Variants in HERC4 observed in about 807,000 individuals in gnomAD.
The protein encoded by HERC4 is probable E3 ubiquitin-protein ligase HERC4.
In HERC4, 28 loss-of-function variants were observed where a neutral mutation model predicts 124.3. The observed-to-expected ratio is 0.23, with a 90% CI of 0.17 to 0.31. The LOEUF is 0.31. HERC4 is among the 10% of genes least tolerant of loss of function. The pLI is 1.00. For missense variants in HERC4, 713 were observed against 1,229.3 expected (o/e 0.58, Z 6.28); for synonymous variants, 407 against 421.5 (o/e 0.97, Z 0.42).
At chr10:68,035,415 C>T (rs1262848780) in intron 5 of HERC4, among the ~76,000 whole-genome samples, 2 of 152,144 alleles carry the variant, frequency 1.3e-5, no homozygotes, top group Non-Finnish European at 2.9e-5. Context: ...CTCGGCCTCC[C>T]AAAGTGCTAA....
intron 22 of HERC4, among the ~76,000 whole-genome samples, chr10:67,935,408 G>C (rs1254537275): frequency 6.6e-6 from 1 of 152,156 alleles, no homozygotes; most frequent in Non-Finnish European, 1.5e-5. Context: ...GCCTCCCAGA[G>C]TGCTGGGATT....
chr10:68,072,849 A>G, intron 3 of HERC4, 34 bp downstream of exon 3: 2 of 1,431,262 alleles, frequency 1.4e-6, no homozygotes, highest in South Asian at 2.6e-5. Flanking sequence ...TATAATTATT[A>G]AAAATAGCAA....
chr10:67,927,418 ATATATATATATATTTTT>A, intron 23 of HERC4, among the ~76,000 whole-genome samples: 1 of 8,730 alleles, frequency 1.1e-4, no homozygotes, highest in African/African-American at 4.4e-4. Context: ...ATATATATAT[ATATATATATATATTTTT>A]TTTTTTTTTT....
At chr10:67,981,913 C>T (rs1035060503) in intron 15 of HERC4, among the ~76,000 whole-genome samples, 2 of 152,060 alleles carry the variant, frequency 1.3e-5, no homozygotes, top group Admixed American at 6.6e-5. Flanking sequence ...TGTACTTACT[C>T]CAGCCTAGAC....
intron 16 of HERC4, among the ~76,000 whole-genome samples, chr10:67,964,139 G>T (rs2034708212): frequency 7.7e-6 from 1 of 129,084 alleles, no homozygotes; most frequent in African/African-American, 2.8e-5. Context: ...CTTCGTCAAA[G>T]TATTGCCAAT....
intron 3 of HERC4, among the ~76,000 whole-genome samples, chr10:68,047,644 C>A (rs1286923298): frequency 6.6e-6 from 1 of 152,186 alleles, no homozygotes; most frequent in Non-Finnish European, 1.5e-5. Context: ...ATATGTTCAA[C>A]TTATGTCCCA....
At chr10:67,975,739 C>A (rs538438441) in intron 15 of HERC4, among the ~76,000 whole-genome samples, 1 of 152,194 alleles carries the variant, frequency 6.6e-6, no homozygotes, top group Non-Finnish European at 1.5e-5. Context: ...TTAAAAAGCA[C>A]ACATTTAATA....
intron 3 of HERC4, among the ~76,000 whole-genome samples, chr10:68,052,501 A>G (rs1292344314): frequency 2.0e-5 from 3 of 152,176 alleles, no homozygotes; most frequent in African/African-American, 7.2e-5. Flanking sequence ...TTGCTTACGA[A>G]CTACATCAAG....
In HERC4 at chr10:67,922,206, T is replaced by A. The variant is rs984929271; in HGVS notation, c.*725A>T. On this transcript the variant is annotated 3_prime_UTR_variant, in exon 25 of 25. Coordinates refer to ENST00000373700, the MANE Select transcript of HERC4 (RefSeq NM_015601.4). ...ATTACTGGCAACTGTGGAGACAGAG[T>A]TCTTCCAGTACTAAATATTAATAAG... The A allele has an allele frequency of 2.6e-5, 4 of 152,128 alleles. No homozygotes were observed. The highest frequency in any genetic ancestry group is 5.9e-5 in the Non-Finnish European group (4 of 68,002). The allele number at this position is 152,128 out of a possible 1,614,324, so 9.4% of individuals were successfully genotyped here.
intron 23 of HERC4, among the ~76,000 whole-genome samples, chr10:67,925,454 A>G (rs2030796704): frequency 6.6e-6 from 1 of 152,246 alleles, no homozygotes; most frequent in Non-Finnish European, 1.5e-5. Flanking sequence ...ACTAGATAAA[A>G]TAATGTTATA....
At chr10:67,992,066 T>G in intron 11 of HERC4, 133 bp downstream of exon 11, 1 of 727,438 alleles carries the variant, frequency 1.4e-6, no homozygotes, top group Non-Finnish European at 2.2e-6. Flanking sequence ...GCCCAGCTAA[T>G]TGTATTTTTT....
intron 9 of HERC4, among the ~76,000 whole-genome samples, chr10:68,013,196 G>GTCTTTTAAGACAT (rs2038070314): frequency 6.6e-6 from 1 of 152,152 alleles, no homozygotes. Context: ...CATATACACA[G>GTCTTTTAAGACAT]TCTTTTAAGA....
intron 19 of HERC4, among the ~76,000 whole-genome samples, chr10:67,946,893 C>T (rs1255888505): frequency 2.6e-5 from 4 of 151,988 alleles, no homozygotes; most frequent in South Asian, 4.2e-4. Context: ...GGTGACAAGG[C>T]GAGACTCTGT....
At chr10:67,940,056 C>A (rs1256884060) in intron 20 of HERC4, among the ~76,000 whole-genome samples, 1 of 151,770 alleles carries the variant, frequency 6.6e-6, no homozygotes, top group Non-Finnish European at 1.5e-5. Flanking sequence ...TCAGCCAGAG[C>A]AGCTGGGATT....
At chr10:68,027,112 T>C (rs1334537900) in intron 7 of HERC4, among the ~76,000 whole-genome samples, 1 of 152,252 alleles carries the variant, frequency 6.6e-6, no homozygotes, top group Non-Finnish European at 1.5e-5. Context: ...ACAATTAGTA[T>C]TCTTCAGTTC....
chr10:68,034,179 T>C lies in HERC4; in HGVS notation c.471A>G (p.Glu157=). ...ATTTATTCTGTCCCCAACAGAAGACTTCACTTGCTGTAAAACAGTAATGGA... is the reference window on the plus strand; with the variant it reads ...ATTTATTCTGTCCCCAACAGAAGACCTCACTTGCTGTAAAACAGTAATGGA... ...YHSLALSKAS[E]VFCWGQNKYG... The change falls in exon 6 of 25, where the codon GAA becomes GAG. Residue 157 remains glutamate, a synonymous_variant. Transcript: ENST00000373700. The C allele has an allele frequency of 2.4e-5, 39 of 1,609,270 alleles. No homozygotes were observed. The highest frequency in any genetic ancestry group is 3.3e-5 in the Non-Finnish European group (39 of 1,176,340).
intron 23 of HERC4, among the ~76,000 whole-genome samples, chr10:67,930,595 G>GT (rs1233397771): frequency 6.6e-6 from 1 of 152,158 alleles, no homozygotes; most frequent in Non-Finnish European, 1.5e-5. Flanking sequence ...AAGTAGAGTG[G>GT]TAAGTGCTGC....
At chr10:68,010,080 G>T in intron 9 of HERC4, 1 of 625,462 alleles carries the variant, frequency 1.6e-6, no homozygotes, top group Non-Finnish European at 2.8e-6. Flanking sequence ...CCCACCCTTT[G>T]TGTTCCCAAT....
chr10:67,925,908 T>C (rs1254332885), intron 23 of HERC4, among the ~76,000 whole-genome samples: 2 of 152,170 alleles, frequency 1.3e-5, no homozygotes, highest in East Asian at 1.9e-4. Flanking sequence ...ATCATGCTTT[T>C]AGATGCCTAT....
Sources: allele counts gnomAD v4.1 joint callset (sites outside exome capture counted in the v4.1 genomes callset), GRCh38; gene constraint gnomAD v4.1.1; transcripts MANE v1.5; gene names NCBI Gene and HGNC (gene_info 2026-07-23, HGNC 2026-07-21).